Variants in RALY observed in about 807,000 individuals in gnomAD.
RALY encodes the protein RALY heterogeneous nuclear ribonucleoprotein, also known as RNA-binding protein Raly.
Under a neutral mutation model 30.7 loss-of-function variants are expected in RALY, and 15 were observed. That is an observed-to-expected ratio of 0.49 (90% CI 0.33 to 0.75). The LOEUF (loss-of-function observed/expected upper bound fraction) is 0.75. RALY is among the 30% of genes least tolerant of loss of function. The probability of loss-of-function intolerance (pLI) is 0.02; values close to 1 mark genes in which losing one functional copy is unlikely to be tolerated. For synonymous variants in RALY, 177 were observed against 170.8 expected, an observed-to-expected ratio of 1.04 and a Z score of -0.28; for missense variants, 339 against 414.3, an observed-to-expected ratio of 0.82 and a Z score of 1.58.
intron 1 of RALY, among the ~76,000 whole-genome samples, chr20:34,012,898 A>T (rs1396925727): frequency 6.6e-6 from 1 of 152,118 alleles, no homozygotes; most frequent in Non-Finnish European, 1.5e-5. Flanking sequence ...CTTTGTTTTG[A>T]CTACAGATAG....
intron 5 of RALY, 124 bp downstream of exon 5, chr20:34,073,990 G>C (rs2033803908): frequency 9.3e-7 from 1 of 1,077,020 alleles, no homozygotes; most frequent in African/African-American, 1.6e-5. Context: ...GCCTGGGGTT[G>C]CTCCACCAGT....
chr20:34,021,344 T>G (rs892176292), intron 1 of RALY, among the ~76,000 whole-genome samples: 1 of 152,302 alleles, frequency 6.6e-6, no homozygotes, highest in South Asian at 2.1e-4. Context: ...AGAAGTTTGT[T>G]TGGCTCATGC....
chr20:34,028,335 G>T (rs988009163), intron 1 of RALY, among the ~76,000 whole-genome samples: 1 of 151,626 alleles, frequency 6.6e-6, no homozygotes, highest in African/African-American at 2.4e-5. Flanking sequence ...CCATTCTTCA[G>T]AAGTAGTAGG....
intron 2 of RALY, among the ~76,000 whole-genome samples, chr20:34,056,897 A>G (rs1443513426): frequency 6.6e-6 from 1 of 152,226 alleles, no homozygotes; most frequent in African/African-American, 2.4e-5. Flanking sequence ...ATGTTCATAT[A>G]TTTGACCAGT....
At chr20:34,067,298 G>C (rs975990914) in intron 2 of RALY, among the ~76,000 whole-genome samples, 1 of 152,092 alleles carries the variant, frequency 6.6e-6, no homozygotes, top group Non-Finnish European at 1.5e-5. Flanking sequence ...CAAGTAGCTG[G>C]GATTACAGAC....
chr20:34,072,949 TGTGTGTGTGTGA>T (rs927464752), intron 3 of RALY, among the ~76,000 whole-genome samples: 5 of 148,364 alleles, frequency 3.4e-5, no homozygotes, highest in African/African-American at 1.1e-4. Context: ...TGTGTGTGTG[TGTGTGTGTGTGA>T]GAGAGAGAAC....
chr20:34,042,730 A>C (rs2032746066), intron 2 of RALY, among the ~76,000 whole-genome samples: 1 of 152,254 alleles, frequency 6.6e-6, no homozygotes, highest in African/African-American at 2.4e-5. Flanking sequence ...CCCTAATGAA[A>C]ATATAACCTT....
At chr20:34,008,126 T>C (rs1844655221) in intron 1 of RALY, among the ~76,000 whole-genome samples, 1 of 152,252 alleles carries the variant, frequency 6.6e-6, no homozygotes, top group Non-Finnish European at 1.5e-5. Flanking sequence ...CCATTTTTGT[T>C]GTATTCTCCC....
chr20:34,034,035 G>A (rs1052718437), intron 2 of RALY, among the ~76,000 whole-genome samples: 2 of 152,136 alleles, frequency 1.3e-5, no homozygotes, highest in African/African-American at 4.8e-5. Context: ...CGTGGTATAG[G>A]ATACTACAGC....
Position 34,076,772 on chromosome 20 carries a change from G to A in RALY, c.615G>A (p.Leu205=). 1 of 1,614,152 alleles carries A rather than the reference G, an allele frequency of 6.2e-7. No homozygotes were observed. Among genetic ancestry groups the A allele is most frequent in the Non-Finnish European group, 8.5e-7 (1 of 1,180,026 alleles). Residue 205 remains leucine, a synonymous_variant, in exon 7 of 10, where the codon CTG becomes CTA. Coordinates refer to ENST00000246194, the MANE Select transcript of RALY (RefSeq NM_016732.3). ...TCAAGTCCAATATCGATGCCCTGCT[G>A]AGCCGCTTGGAGCAGATCGCTGCGG... The part of the protein sequence containing the change: ...TQIKSNIDAL[L]SRLEQIAAEQ...
intron 2 of RALY, among the ~76,000 whole-genome samples, 195 bp from the exon 3 acceptor site, chr20:34,071,871 C>A (rs2033737182): frequency 6.6e-6 from 1 of 152,110 alleles, no homozygotes; most frequent in African/African-American, 2.4e-5. Flanking sequence ...ATGTAAAGCA[C>A]CTGGCATGAG....
In RALY at chr20:33,998,207, T is replaced by C. The variant is rs557231617; in HGVS notation, c.-93+4076T>C. On this transcript the variant is annotated intron_variant, in intron 1 of 9. Transcript: ENST00000246194. ...GAAAGATAGGCAAGGAAACAGGCAG[T>C]GTGAGAAGTGTTGTCACAGGGACAG... is the stretch of plus-strand genomic sequence containing the variant. 3.9e-5 allele frequency among the ~76,000 whole-genome samples: 6 copies of C among 152,326 alleles called. No homozygotes were observed. In the South Asian group the frequency reaches 1.2e-3, roughly 32 times the overall value.
chr20:34,050,368 G>C (rs947052043), intron 2 of RALY, among the ~76,000 whole-genome samples: 1 of 152,242 alleles, frequency 6.6e-6, no homozygotes, highest in Non-Finnish European at 1.5e-5. Flanking sequence ...GGCTCAAACC[G>C]TCTTGGTCTA....
rs1568662543 is a variant in RALY, at chr20:34,025,689, A to ATT, written c.-92-5833_-92-5832insTT. ...GTTCTGTAGGGACATGCTATTTTAA[A>ATT]AAAAAAAAAAAAAATTGTTTTACAA... On this transcript the variant is annotated intron_variant, in intron 1 of 9. Transcript: ENST00000246194. Among the ~76,000 whole-genome samples, 289 of 148,318 alleles carry ATT rather than the reference A, an allele frequency of 1.9e-3. 3 individuals carry two copies. Among genetic ancestry groups the ATT allele is most frequent in the East Asian group, 0.017 (84 of 5,048 alleles).
intron 6 of RALY, 168 bp downstream of exon 6, chr20:34,076,208 G>A (rs2033872773): frequency 2.2e-6 from 2 of 898,640 alleles, no homozygotes; most frequent in East Asian, 5.4e-5. Context: ...AACAGCTGAT[G>A]TTTTAGGAGG....
At chr20:34,018,065 G>C (rs2031674852) in intron 1 of RALY, among the ~76,000 whole-genome samples, 1 of 152,206 alleles carries the variant, frequency 6.6e-6, no homozygotes, top group Non-Finnish European at 1.5e-5. Flanking sequence ...CCAGACCAGG[G>C]AACCAGCACA....
At chr20:34,075,461 C>G (rs2033847322) in intron 5 of RALY, among the ~76,000 whole-genome samples, 1 of 152,014 alleles carries the variant, frequency 6.6e-6, no homozygotes, top group Non-Finnish European at 1.5e-5. Flanking sequence ...CCATACCTCT[C>G]TATTCCTAGC....
At chr20:34,045,280 A>G (rs1568676972) in intron 2 of RALY, among the ~76,000 whole-genome samples, 1 of 152,218 alleles carries the variant, frequency 6.6e-6, no homozygotes, top group African/African-American at 2.4e-5. Context: ...TTCTATATGC[A>G]TTATGAAGAA....
chr20:34,066,949 C>T (rs749134815), intron 2 of RALY, among the ~76,000 whole-genome samples: 2 of 152,158 alleles, frequency 1.3e-5, no homozygotes, highest in African/African-American at 2.4e-5. Flanking sequence ...GTGTGGCTGA[C>T]TCAAGGTAAC....
Sources: gnomAD v4.1 joint callset for allele counts (sites outside exome capture counted in the v4.1 genomes callset) on GRCh38, gnomAD v4.1.1 for gene constraint, MANE v1.5 for transcripts, NCBI Gene and HGNC (gene_info 2026-07-23, HGNC 2026-07-21) for gene names.